DLG2: variants seen among roughly 807,000 people sequenced by gnomAD.
The protein encoded by DLG2 is disks large homolog 2.
A neutral mutation model predicts 132.5 loss-of-function variants in DLG2; 45 were observed. The ratio of observed to expected loss-of-function variants is 0.34; its 90% confidence interval spans 0.27 to 0.44. The LOEUF is 0.44. Ranked by LOEUF, DLG2 falls within the 20% of genes least tolerant of loss-of-function variation. The probability of loss-of-function intolerance (pLI) is 1.00; values close to 1 mark genes in which losing one functional copy is unlikely to be tolerated. For synonymous variants in DLG2, 424 were observed against 419.6 expected (o/e 1.01, Z -0.13); for missense variants, 1,045 against 1,196.9 (o/e 0.87, Z 1.87).
intron 19 of DLG2, among the ~76,000 whole-genome samples, chr11:83,567,016 C>G (rs1593346234): frequency 6.6e-6 from 1 of 152,140 alleles, no homozygotes; most frequent in African/African-American, 2.4e-5. Flanking sequence ...TTGACTCCGT[C>G]TCATGGGGTA....
At chr11:83,502,526 A>G (rs2094491244) in intron 21 of DLG2, among the ~76,000 whole-genome samples, 4 of 152,152 alleles carry the variant, frequency 2.6e-5, no homozygotes, top group Admixed American at 2.0e-4. Flanking sequence ...CCCAAGGGCT[A>G]TGACACCACT....
chr11:85,372,501 T>C (rs1162477463), intron 3 of DLG2, among the ~76,000 whole-genome samples: 1 of 152,202 alleles, frequency 6.6e-6, no homozygotes, highest in African/African-American at 2.4e-5. Context: ...GAAAATTGTA[T>C]CTAAGGGATC....
At chr11:84,022,388 G>A (rs1307512124) in intron 11 of DLG2, among the ~76,000 whole-genome samples, 2 of 152,138 alleles carry the variant, frequency 1.3e-5, no homozygotes, top group Non-Finnish European at 1.5e-5. Flanking sequence ...ACAACACTTA[G>A]TCTTTTTGAC....
At chr11:84,799,734 G>C (rs557835030) in intron 6 of DLG2, among the ~76,000 whole-genome samples, 9 of 152,180 alleles carry the variant, frequency 5.9e-5, no homozygotes, top group Non-Finnish European at 1.0e-4. Flanking sequence ...GCACTGTAAA[G>C]TGTTAAATCC....
At chr11:84,051,727 A>C (rs1168618661) in intron 11 of DLG2, among the ~76,000 whole-genome samples, 1 of 151,760 alleles carries the variant, frequency 6.6e-6, no homozygotes, top group Non-Finnish European at 1.5e-5. Flanking sequence ...TACATATGTA[A>C]CTAACCTGCA....
intron 7 of DLG2, among the ~76,000 whole-genome samples, chr11:84,418,268 C>T (rs1364034593): frequency 6.6e-6 from 1 of 152,056 alleles, no homozygotes. Context: ...CAGAATACAA[C>T]GTTATTTTCT....
chr11:83,887,380 C>G lies in DLG2; in HGVS notation c.1497-12892G>C, dbSNP rs9667759. ...TGGATAAATTCCTCGACACATACACCCTCCCAAGACTAAACCAGGAAGAAG... is the reference window on the plus strand; with the variant it reads ...TGGATAAATTCCTCGACACATACACGCTCCCAAGACTAAACCAGGAAGAAG... On this transcript the variant is annotated intron_variant, in intron 15 of 27. Transcript: ENST00000376104. Among the ~76,000 whole-genome samples the G allele has an allele frequency of 3.3e-5, 5 of 151,484 alleles. No homozygotes were observed. In the East Asian group the frequency reaches 9.7e-4, roughly 29 times the overall value.
At chr11:84,518,413 T>C (rs1269786999) in intron 7 of DLG2, among the ~76,000 whole-genome samples, 1 of 151,886 alleles carries the variant, frequency 6.6e-6, no homozygotes, top group African/African-American at 2.4e-5. Flanking sequence ...ATAAAGAAAA[T>C]GCCGAATGAT....
At chr11:84,727,814 T>A (rs766328578) in intron 6 of DLG2, among the ~76,000 whole-genome samples, 1 of 152,222 alleles carries the variant, frequency 6.6e-6, no homozygotes, top group African/African-American at 2.4e-5. Context: ...GTCCTTCACA[T>A]TCCTTGTAAG....
rs936680050 is a variant in DLG2, at chr11:84,008,980, A to G, written c.920-28338T>C. Among the ~76,000 whole-genome samples the G allele has an allele frequency of 2.7e-5, 4 of 150,740 alleles. No individual in the cohort carries two copies. The Admixed American group carries it at 2.7e-4, about 10-fold the overall frequency. The stretch of plus-strand genomic sequence containing the variant: ...CTAGAGTGGGAATCAAGCATGTACT[A>G]CTCAAACTACCTCTCTTCTTGATGC... On this transcript the variant is annotated intron_variant, in intron 11 of 27. Transcript: ENST00000376104.
At chr11:85,225,682 C>T (rs1388778988) in intron 4 of DLG2, among the ~76,000 whole-genome samples, 1 of 151,904 alleles carries the variant, frequency 6.6e-6, no homozygotes, top group Non-Finnish European at 1.5e-5. Flanking sequence ...TCTCTTCTCT[C>T]TGTTTATTTT....
intron 11 of DLG2, among the ~76,000 whole-genome samples, chr11:84,028,883 A>G (rs534493468): frequency 1.3e-5 from 2 of 152,208 alleles, no homozygotes; most frequent in South Asian, 4.1e-4. Flanking sequence ...CTACTTTCCC[A>G]GTAGGGTGTG....
chr11:84,358,889 C>T (rs928287301), intron 7 of DLG2, among the ~76,000 whole-genome samples: 1 of 151,930 alleles, frequency 6.6e-6, no homozygotes, highest in African/African-American at 2.4e-5. Context: ...AATTAAGCAA[C>T]TTATCCAAGG....
At chr11:84,062,062 A>C (rs1337363089) in intron 10 of DLG2, among the ~76,000 whole-genome samples, 1 of 152,166 alleles carries the variant, frequency 6.6e-6, no homozygotes, top group African/African-American at 2.4e-5. Flanking sequence ...GGAGTGGCTG[A>C]CATTTAAAAA....
At chr11:84,690,456 A>C (rs2057898977) in intron 6 of DLG2, among the ~76,000 whole-genome samples, 1 of 151,852 alleles carries the variant, frequency 6.6e-6, no homozygotes, top group Non-Finnish European at 1.5e-5. Context: ...TAGATTGGAA[A>C]AAAAAAAGAA....
intron 20 of DLG2, among the ~76,000 whole-genome samples, chr11:83,537,252 T>C (rs1177489124): frequency 6.6e-6 from 1 of 152,156 alleles, no homozygotes; most frequent in Non-Finnish European, 1.5e-5. Flanking sequence ...CTCTCTCCCA[T>C]CTGGTATTTT....
At chr11:85,541,065 T>A (rs1169324043) in intron 3 of DLG2, among the ~76,000 whole-genome samples, 1 of 152,226 alleles carries the variant, frequency 6.6e-6, no homozygotes, top group Non-Finnish European at 1.5e-5. Context: ...CTCAAATAAA[T>A]TCTTTAGTAT....
intron 7 of DLG2, chr11:84,273,226 C>A: frequency 6.4e-7 from 1 of 1,554,228 alleles, no homozygotes; most frequent in Non-Finnish European, 8.7e-7. Context: ...GCTGATAATT[C>A]TCAGCCCGAG....
intron 2 of DLG2, among the ~76,000 whole-genome samples, chr11:85,607,816 A>G (rs1185649764): frequency 1.3e-5 from 2 of 152,186 alleles, no homozygotes; most frequent in African/African-American, 2.4e-5. Context: ...CAGTCTTCCA[A>G]TTCTGGAGAT....
Sources: allele counts gnomAD v4.1 joint callset (sites outside exome capture counted in the v4.1 genomes callset), GRCh38; gene constraint gnomAD v4.1.1; transcripts MANE v1.5; gene names NCBI Gene and HGNC (gene_info 2026-07-23, HGNC 2026-07-21).